Variants in SPRR2G observed in about 807,000 individuals in gnomAD.
SPRR2G encodes the protein small proline rich protein 2G.
A neutral mutation model predicts 0.7 loss-of-function variants in SPRR2G; 1 was observed. The observed-to-expected ratio is 1.49, with a 90% CI of 0.53 to 7.06. The LOEUF is 7.06. Among genes scored for constraint, SPRR2G ranks in the 30% most tolerant of loss-of-function variants. The pLI, the probability that SPRR2G is intolerant of heterozygous loss-of-function variation, is 0.14. For synonymous variants in SPRR2G, 38 were observed against 33.9 expected, an observed-to-expected ratio of 1.12 and a Z score of -0.42; for missense variants, 96 against 88.5, an observed-to-expected ratio of 1.09 and a Z score of -0.34.
At position 153,149,944 on chromosome 1, in the gene SPRR2G, G is replaced by C. The variant is rs377748485; in HGVS notation, c.167C>G (p.Pro56Arg). Reference protein sequence around the residue: ...CPPPPCQDKCPPVQPYPPCQQ... With the variant: ...CPPPPCQDKCRPVQPYPPCQQ... ...GCAGGGTGGGTATGGTTGCACAGGA[G>C]GGCATTTATCCTGGCATGGTGGAGG... Residue 56 changes from proline to arginine, a missense_variant, in exon 2 of 2, where the codon CCT (proline) becomes CGT (arginine). Coordinates refer to ENST00000368748, the MANE Select transcript of SPRR2G (RefSeq NM_001014291.4). The C allele has an allele frequency of 6.2e-7, 1 of 1,613,960 alleles. No homozygotes were observed. The highest frequency in any genetic ancestry group is 1.3e-5 in the African/African-American group (1 of 74,892).
At chr1:153,150,499 CT>C (rs1656443721) in intron 1 of SPRR2G, among the ~76,000 whole-genome samples, 1 of 152,168 alleles carries the variant, frequency 6.6e-6, no homozygotes, top group Admixed American at 6.5e-5. Context: ...AATGAGCTGG[CT>C]GTGGTGCTGA....
At chr1:153,189,312 GA>G in the SPRR2G span, among the ~76,000 whole-genome samples, 8 of 151,962 alleles carry the variant, frequency 5.3e-5, no homozygotes, top group African/African-American at 1.2e-4. Flanking sequence ...CATTGAAATT[GA>G]AATATTTGTC....
chr1:153,189,941 G>A, the SPRR2G span: 4 of 152,212 alleles, frequency 2.6e-5, no homozygotes, highest in African/African-American at 4.8e-5. Flanking sequence ...TCTCAGGAGC[G>A]AGTGCAATGG....
chr1:153,193,292 C>A, the SPRR2G span, among the ~76,000 whole-genome samples: 1 of 152,214 alleles, frequency 6.6e-6, no homozygotes, highest in Non-Finnish European at 1.5e-5. Context: ...TGGATTTCCA[C>A]AGCACGCTGA....
the SPRR2G span, among the ~76,000 whole-genome samples, chr1:153,196,550 C>T: frequency 8.5e-5 from 13 of 152,162 alleles, no homozygotes; most frequent in African/African-American, 3.1e-4. Flanking sequence ...CCCATGCTGC[C>T]TCCTGTGGCA....
At chr1:153,166,859 G>C in the SPRR2G span, among the ~76,000 whole-genome samples, 1 of 144,874 alleles carries the variant, frequency 6.9e-6, no homozygotes, top group Non-Finnish European at 1.5e-5. Flanking sequence ...AGGAAGTTGA[G>C]TATCACAGAA....
chr1:153,152,828 C>T (rs1656500820), upstream of SPRR2G, among the ~76,000 whole-genome samples: 1 of 152,104 alleles, frequency 6.6e-6, no homozygotes, highest in Admixed American at 6.5e-5. Flanking sequence ...CTTTTCTTTG[C>T]CTCATGAATT....
upstream of SPRR2G, among the ~76,000 whole-genome samples, chr1:153,153,598 A>G (rs1453310575): frequency 6.6e-6 from 1 of 152,116 alleles, no homozygotes; most frequent in Non-Finnish European, 1.5e-5. Context: ...AAGCTATTTT[A>G]TGGGAGTCCC....
At chr1:153,170,472 G>A in the SPRR2G span, among the ~76,000 whole-genome samples, 16 of 152,032 alleles carry the variant, frequency 1.1e-4, no homozygotes, top group Non-Finnish European at 1.8e-4. Context: ...CAAAAACAGC[G>A]TATGGCAATG....
chr1:153,155,825 T>C (rs1399187558), upstream of SPRR2G, among the ~76,000 whole-genome samples: 3 of 152,224 alleles, frequency 2.0e-5, no homozygotes, highest in Non-Finnish European at 4.4e-5. Flanking sequence ...GGTTAATGTC[T>C]ACACAATTCT....
chr1:153,194,616 A>T, the SPRR2G span, among the ~76,000 whole-genome samples: 1 of 152,190 alleles, frequency 6.6e-6, no homozygotes. Context: ...TCCTCAGACT[A>T]AAACTCCCCT....
chr1:153,152,924 C>A (rs564787), upstream of SPRR2G, among the ~76,000 whole-genome samples: 79,282 of 151,906 alleles, frequency 0.52, 20,927 homozygotes, highest in Non-Finnish European at 0.57. Context: ...TTGGGCTTTT[C>A]AGAAAAGAAT....
chr1:153,199,626 C>T, the SPRR2G span, among the ~76,000 whole-genome samples: 7,749 of 152,226 alleles, frequency 0.051, 418 homozygotes, highest in East Asian at 0.18. Context: ...ACTCTTCTTT[C>T]CTGTGCAGCC....
At chr1:153,188,020 T>A in the SPRR2G span, among the ~76,000 whole-genome samples, 3 of 152,168 alleles carry the variant, frequency 2.0e-5, no homozygotes, top group Non-Finnish European at 2.9e-5. Context: ...TTTGCCTGGG[T>A]ATTACCAGTG....
At chr1:153,166,490 T>C in the SPRR2G span, among the ~76,000 whole-genome samples, 2 of 152,164 alleles carry the variant, frequency 1.3e-5, no homozygotes, top group Non-Finnish European at 2.9e-5. Flanking sequence ...CCCAAGGAAG[T>C]GTTCCTAATA....
chr1:153,158,346 A>G, the SPRR2G span, among the ~76,000 whole-genome samples: 1 of 152,252 alleles, frequency 6.6e-6, no homozygotes, highest in Non-Finnish European at 1.5e-5. Flanking sequence ...AAGGAGCCAC[A>G]GGTCCCATGC....
chr1:153,166,352 G>A, the SPRR2G span, among the ~76,000 whole-genome samples: 2 of 152,100 alleles, frequency 1.3e-5, no homozygotes, highest in Non-Finnish European at 2.9e-5. Flanking sequence ...GAAGATTTGA[G>A]TGTTTATGAG....
At chr1:153,170,239 A>C in the SPRR2G span, among the ~76,000 whole-genome samples, 1 of 152,180 alleles carries the variant, frequency 6.6e-6, no homozygotes. Flanking sequence ...TTGTTAAGAG[A>C]GTTTAACCGA....
chr1:153,167,201 G>T, the SPRR2G span, among the ~76,000 whole-genome samples: 2 of 152,160 alleles, frequency 1.3e-5, no homozygotes, highest in African/African-American at 4.8e-5. Context: ...CTGGCCAGGC[G>T]TGGTGGCTCA....
Sources: allele counts gnomAD v4.1 joint callset (sites outside exome capture counted in the v4.1 genomes callset), GRCh38; gene constraint gnomAD v4.1.1; transcripts MANE v1.5; gene names NCBI Gene and HGNC (gene_info 2026-07-23, HGNC 2026-07-21).